Variants in SNTB1 observed in about 807,000 individuals in gnomAD.
SNTB1 encodes syntrophin beta 1.
Under a neutral mutation model 48.9 loss-of-function variants are expected in SNTB1, and 36 were observed. The observed-to-expected ratio is 0.74, with a 90% CI of 0.56 to 0.97. SNTB1 has a LOEUF of 0.97. SNTB1 is among the 50% of genes least tolerant of loss of function. The pLI, the probability that SNTB1 is intolerant of heterozygous loss-of-function variation, is 0.00. For synonymous variants in SNTB1, 299 were observed against 294.6 expected, an observed-to-expected ratio of 1.01 and a Z score of -0.15; for missense variants, 786 against 703.4, an observed-to-expected ratio of 1.12 and a Z score of -1.33.
chr8:120,718,643 T>C (rs62526759), intron 1 of SNTB1, among the ~76,000 whole-genome samples: 9,078 of 152,242 alleles, frequency 0.06, 380 homozygotes, highest in Admixed American at 0.094. Flanking sequence ...TCCTCCTAAC[T>C]GCTTCCGGAA....
chr8:120,733,350 C>T (rs1587122321), intron 1 of SNTB1, among the ~76,000 whole-genome samples: 1 of 152,198 alleles, frequency 6.6e-6, no homozygotes, highest in Non-Finnish European at 1.5e-5. Flanking sequence ...AATTGGTGGT[C>T]CACGCATAGG....
intron 2 of SNTB1, chr8:120,654,781 T>C: frequency 6.4e-6 from 2 of 310,762 alleles, no homozygotes; most frequent in South Asian, 5.2e-5. Context: ...TTCCTCTGTT[T>C]AGAAACATGA....
chr8:120,717,706 G>A lies in SNTB1; in HGVS notation c.572-23798C>T, dbSNP rs1040200153. Among the ~76,000 whole-genome samples, 7 of 152,304 alleles carry A rather than the reference G, an allele frequency of 4.6e-5. No homozygotes were observed. In the East Asian group the frequency reaches 9.6e-4, roughly 21 times the overall value. On this transcript the variant is annotated intron_variant, in intron 1 of 6. Coordinates refer to ENST00000517992, the MANE Select transcript of SNTB1 (RefSeq NM_021021.4). ...GAAATGGCCAAGAATGATGTGCAGA[G>A]TGGAAGGCAGTCCAGGTCAAGGCAG... is the stretch of plus-strand genomic sequence containing the variant.
chr8:120,811,136 C>CT (rs1406675082), intron 1 of SNTB1, 137 bp downstream of exon 1: 1 of 1,220,302 alleles, frequency 8.2e-7, no homozygotes, highest in African/African-American at 1.5e-5. Flanking sequence ...ACCCTTCCCC[C>CT]CCCCCCAACA....
At chr8:120,598,129 T>C (rs1387005209) in intron 3 of SNTB1, among the ~76,000 whole-genome samples, 1 of 147,888 alleles carries the variant, frequency 6.8e-6, no homozygotes, top group Non-Finnish European at 1.5e-5. Flanking sequence ...GTCCCACTTC[T>C]GGCTCTCACA....
chr8:120,658,189 T>C (rs1429604188), intron 2 of SNTB1, among the ~76,000 whole-genome samples: 1 of 152,140 alleles, frequency 6.6e-6, no homozygotes, highest in African/African-American at 2.4e-5. Flanking sequence ...GTGTTACCTG[T>C]AGAAGGCAGT....
At chr8:120,544,776 T>A (rs7823914) in intron 5 of SNTB1, among the ~76,000 whole-genome samples, 47,724 of 146,294 alleles carry the variant, frequency 0.33, 9,248 homozygotes, top group African/African-American at 0.56. Flanking sequence ...TTCTTCCAAC[T>A]CTCAAATTCA....
At chr8:120,660,743 G>A (rs1384917860) in intron 2 of SNTB1, among the ~76,000 whole-genome samples, 1 of 152,110 alleles carries the variant, frequency 6.6e-6, no homozygotes, top group African/African-American at 2.4e-5. Flanking sequence ...TCCTCACTAA[G>A]CTTAATCATT....
intron 3 of SNTB1, among the ~76,000 whole-genome samples, chr8:120,630,360 G>A (rs1816959158): frequency 6.6e-6 from 1 of 152,204 alleles, no homozygotes; most frequent in African/African-American, 2.4e-5. Context: ...AGCCTCCCTA[G>A]TCTCAGGTAA....
chr8:120,741,079 C>T lies in SNTB1; in HGVS notation c.572-47171G>A, dbSNP rs143010168. On this transcript the variant is annotated intron_variant, in intron 1 of 6. Transcript: ENST00000517992. Reference sequence around the variant, plus strand: ...GTCCACACGCTAATGTCAGGCAGTGCGTTTGCACAGAAGGATGCATCTTCT... The same window carrying T: ...GTCCACACGCTAATGTCAGGCAGTGTGTTTGCACAGAAGGATGCATCTTCT... Among the ~76,000 whole-genome samples the T allele has an allele frequency of 1.5e-3, 221 of 152,306 alleles. 1 individual carries two copies. The highest frequency in any genetic ancestry group is 4.7e-3 in the African/African-American group (195 of 41,570).
intron 1 of SNTB1, among the ~76,000 whole-genome samples, chr8:120,732,673 C>T: frequency 6.6e-6 from 1 of 152,140 alleles, no homozygotes; most frequent in East Asian, 1.9e-4. Flanking sequence ...GGGGAAACCT[C>T]GTCTCTATTA....
At chr8:120,568,696 G>T (rs977880054) in intron 4 of SNTB1, among the ~76,000 whole-genome samples, 1 of 152,196 alleles carries the variant, frequency 6.6e-6, no homozygotes, top group Non-Finnish European at 1.5e-5. Context: ...CTACTACTTC[G>T]AGAGGATAGA....
intron 1 of SNTB1, among the ~76,000 whole-genome samples, chr8:120,707,480 CAGA>C (rs1818396701): frequency 6.6e-6 from 1 of 152,102 alleles, no homozygotes; most frequent in South Asian, 2.1e-4. Flanking sequence ...CTATCAGAGT[CAGA>C]AGAATAAAAC....
intron 1 of SNTB1, among the ~76,000 whole-genome samples, chr8:120,784,311 AG>A (rs1819884994): frequency 6.6e-6 from 1 of 151,848 alleles, no homozygotes; most frequent in Admixed American, 6.6e-5. Flanking sequence ...TTTTTTTTAA[AG>A]GGATTTGAGT....
intron 4 of SNTB1, among the ~76,000 whole-genome samples, chr8:120,551,897 A>G (rs149063779): frequency 1.3e-5 from 2 of 152,306 alleles, no homozygotes; most frequent in Non-Finnish European, 1.5e-5. Flanking sequence ...GATTAAATAT[A>G]GTAAAATATA....
At chr8:120,598,827 C>A (rs1816371648) in intron 3 of SNTB1, among the ~76,000 whole-genome samples, 2 of 152,088 alleles carry the variant, frequency 1.3e-5, no homozygotes, top group South Asian at 2.1e-4. Flanking sequence ...TTCAGCCCTG[C>A]ATCTTCAAAG....
intron 2 of SNTB1, among the ~76,000 whole-genome samples, chr8:120,658,716 G>A (rs1039384659): frequency 2.0e-5 from 3 of 152,326 alleles, no homozygotes; most frequent in East Asian, 3.9e-4. Flanking sequence ...GGAGGGCCTT[G>A]CCTCAATGCT....
At chr8:120,742,836 G>C (rs1189502680) in intron 1 of SNTB1, among the ~76,000 whole-genome samples, 10 of 152,252 alleles carry the variant, frequency 6.6e-5, no homozygotes, top group African/African-American at 2.4e-4. Flanking sequence ...CTCTCTTCTG[G>C]GTCTTGCAGA....
At chr8:120,578,291 C>T (rs1815983554) in intron 3 of SNTB1, among the ~76,000 whole-genome samples, 2 of 151,838 alleles carry the variant, frequency 1.3e-5, no homozygotes. Flanking sequence ...CTGCCTGCCT[C>T]GGGAACAACA....
Sources: gnomAD v4.1 joint callset for allele counts (sites outside exome capture counted in the v4.1 genomes callset) on GRCh38, gnomAD v4.1.1 for gene constraint, MANE v1.5 for transcripts, NCBI Gene and HGNC (gene_info 2026-07-23, HGNC 2026-07-21) for gene names.